USP43: variants seen among roughly 807,000 people sequenced by gnomAD.
USP43 encodes ubiquitin carboxyl-terminal hydrolase 43.
In USP43, 33 loss-of-function variants were observed where a neutral mutation model predicts 90.7. That is an observed-to-expected ratio of 0.36 (90% CI 0.28 to 0.49). The LOEUF is 0.49. Among genes scored for constraint, USP43 ranks in the 20% least tolerant of loss-of-function variants. The pLI, the probability that USP43 is intolerant of heterozygous loss-of-function variation, is 0.98. For missense variants in USP43, 1,274 were observed against 1,476.4 expected, an observed-to-expected ratio of 0.86 and a Z score of 2.25; for synonymous variants, 598 against 615.8, an observed-to-expected ratio of 0.97 and a Z score of 0.43.
At position 9,727,946 on chromosome 17, in the gene USP43, T is replaced by C; in HGVS notation, c.2336-8T>C. 6.3e-7 allele frequency: 1 copy of C among 1,592,338 alleles called. No homozygotes were observed. Among genetic ancestry groups the C allele is most frequent in the Non-Finnish European group, 8.6e-7 (1 of 1,166,568 alleles). ...CTTGTACACTGACAGTCTCTCTGTC[T>C]CTTTCAGGAGGGTTGGAGCCCAGGC... On this transcript the variant is annotated splice_region_variant and splice_polypyrimidine_tract_variant and intron_variant, in intron 14 of 14. Coordinates refer to ENST00000285199, the MANE Select transcript of USP43 (RefSeq NM_153210.5).
At chr17:9,668,995 C>CT (rs1913220168) in intron 3 of USP43, among the ~76,000 whole-genome samples, 1 of 151,712 alleles carries the variant, frequency 6.6e-6, no homozygotes, top group Non-Finnish European at 1.5e-5. Flanking sequence ...GCCACCATGC[C>CT]TGGCTAATTT....
At chr17:9,683,571 T>C (rs2151977909) in intron 7 of USP43, among the ~76,000 whole-genome samples, 1 of 152,334 alleles carries the variant, frequency 6.6e-6, no homozygotes, top group Admixed American at 6.5e-5. Flanking sequence ...GCCTTACTTA[T>C]TGAATAATTC....
In USP43 at chr17:9,708,901, A is replaced by G. The variant is rs146498340; in HGVS notation, c.2012-1055A>G. On this transcript the variant is annotated intron_variant, in intron 12 of 14. Coordinates refer to ENST00000285199, the MANE Select transcript of USP43 (RefSeq NM_153210.5). The stretch of plus-strand genomic sequence containing the variant: ...CTCGGCCTCCCAAAGTGCTGGGATT[A>G]AAGGCATGAACCACCACGCCCGGCC... Among the ~76,000 whole-genome samples the G allele has an allele frequency of 2.9e-4, 44 of 152,284 alleles. 1 individual carries two copies. In the East Asian group the frequency reaches 6.6e-3, roughly 23 times the overall value.
In USP43 at chr17:9,682,945, C is replaced by T; in HGVS notation, c.1228C>T (p.Gln410Ter). Residue 410 changes from glutamine (Q) to a stop codon, truncating the protein, a stop_gained, in exon 7 of 15, where the codon CAG becomes TAG. Transcript: ENST00000285199. LOFTEE classifies it high-confidence loss of function. ...ILFCNLVGSG[Q>*]QASRFGPPFL... The stretch of plus-strand genomic sequence containing the variant: ...CTTCTGTAACTTGGTGGGGTCAGGG[C>T]AGCAGGCTAGCAGGTATGTTTCACT... The T allele has an allele frequency of 6.2e-7, 1 of 1,613,820 alleles. No homozygotes were observed. Among genetic ancestry groups the T allele is most frequent in the South Asian group, 1.1e-5 (1 of 91,054 alleles).
intron 5 of USP43, among the ~76,000 whole-genome samples, chr17:9,679,856 A>G (rs2151975141): frequency 6.6e-6 from 1 of 152,256 alleles, no homozygotes; most frequent in African/African-American, 2.4e-5. Flanking sequence ...AATGTTTGGT[A>G]AAAATTTTTT....
At chr17:9,726,972 CTTT>C (rs374029852) in intron 14 of USP43, among the ~76,000 whole-genome samples, 1 of 146,756 alleles carries the variant, frequency 6.8e-6, no homozygotes, top group Non-Finnish European at 1.5e-5. Flanking sequence ...GAATTTCTTT[CTTT>C]TTTTTTTTGG....
Position 9,727,965 on chromosome 17 carries a change from C to G in USP43, c.2347C>G (p.Pro783Ala). The change falls in exon 15 of 15, where the codon CCC (proline) becomes GCC (alanine). Residue 783 changes from proline (P) to alanine (A), a missense_variant. Pro to Ala is a conservative substitution (Grantham distance 27). Around this residue, in one of 6 missense-constraint regions of USP43, gnomAD observed 285 missense variants for 349.6 expected, o/e 0.82. Coordinates refer to ENST00000285199, the MANE Select transcript of USP43 (RefSeq NM_153210.5). ...TCTGTCTCTTTCAGGAGGGTTGGAG[C>G]CCAGGCGTTTGGTACGGGGCGTGAA... Reference protein sequence around the residue: ...LCNQEKGGLEPRRLVRGVKGR... With the variant: ...LCNQEKGGLEARRLVRGVKGR... 6.2e-7 allele frequency: 1 copy of G among 1,602,238 alleles called. No homozygotes were observed.
intron 8 of USP43, among the ~76,000 whole-genome samples, chr17:9,692,450 G>T (rs896085079): frequency 6.6e-6 from 1 of 152,178 alleles, no homozygotes; most frequent in Non-Finnish European, 1.5e-5. Context: ...GACTAATGAT[G>T]TTGCTGATCT....
chr17:9,694,779 A>T (rs1915159392), intron 9 of USP43, among the ~76,000 whole-genome samples: 1 of 152,036 alleles, frequency 6.6e-6, no homozygotes, highest in Non-Finnish European at 1.5e-5. Context: ...ACACGCCATC[A>T]CGCCTGGCTA....
At chr17:9,654,389 G>T (rs1912084840) in intron 1 of USP43, among the ~76,000 whole-genome samples, 1 of 152,084 alleles carries the variant, frequency 6.6e-6, no homozygotes, top group African/African-American at 2.4e-5. Flanking sequence ...TTGACGTAAA[G>T]ACTCAGAGCC....
chr17:9,712,355 G>A (rs1055894734), intron 14 of USP43, among the ~76,000 whole-genome samples: 7 of 152,086 alleles, frequency 4.6e-5, no homozygotes, highest in African/African-American at 1.7e-4. Context: ...CTGCCCCCGT[G>A]TAGCTTATTG....
chr17:9,690,976 T>G (rs1187135560), intron 8 of USP43, among the ~76,000 whole-genome samples: 2 of 152,246 alleles, frequency 1.3e-5, no homozygotes, highest in Admixed American at 6.5e-5. Flanking sequence ...TCTATCTGTA[T>G]GAATTTTCCT....
intron 8 of USP43, among the ~76,000 whole-genome samples, chr17:9,691,156 T>C (rs149806993): frequency 0.046 from 6,875 of 150,984 alleles, 451 homozygotes; most frequent in African/African-American, 0.15. Context: ...CTCTTGTTGC[T>C]CAGGCTGGAG....
At chr17:9,722,217 T>C (rs950823403) in intron 14 of USP43, among the ~76,000 whole-genome samples, 1 of 152,182 alleles carries the variant, frequency 6.6e-6, no homozygotes, top group Non-Finnish European at 1.5e-5. Flanking sequence ...AAATTCTACT[T>C]TGTCCAAGTT....
chr17:9,709,844 T>C lies in USP43; in HGVS notation c.2012-112T>C. Reference sequence around the variant, plus strand: ...TTCATTTCTGGCCAAAAATGGACTGTTTTTTTCTCATTCTGGTTTAAACAT... The same window carrying C: ...TTCATTTCTGGCCAAAAATGGACTGCTTTTTTCTCATTCTGGTTTAAACAT... On this transcript the variant is annotated intron_variant, in intron 12 of 14. Coordinates refer to ENST00000285199, the MANE Select transcript of USP43 (RefSeq NM_153210.5). This position sits in a 1 kb window ranked among gnomAD's most constrained non-coding sequence, Gnocchi z 5.0. 3.3e-6 allele frequency: 4 copies of C among 1,195,928 alleles called. No homozygotes were observed. The highest frequency in any genetic ancestry group is 4.3e-6 in the Non-Finnish European group (4 of 935,956). The allele number at this position is 1,195,928 out of a possible 1,614,324, so 74.1% of individuals were successfully genotyped here.
chr17:9,673,229 G>C (rs571094068), intron 3 of USP43, among the ~76,000 whole-genome samples: 1 of 151,992 alleles, frequency 6.6e-6, no homozygotes, highest in Non-Finnish European at 1.5e-5. Flanking sequence ...CATTTCAGCC[G>C]GGGGCAGTGG....
rs755682583 is a variant in USP43, at chr17:9,693,144, C to G, written c.1371C>G (p.Phe457Leu). The G allele has an allele frequency of 1.2e-6, 2 of 1,613,592 alleles. No homozygotes were observed. The change falls in exon 9 of 15, where the codon TTC (phenylalanine) becomes TTG (leucine). Residue 457 changes from phenylalanine (F) to leucine (L), a missense_variant. By Grantham distance (22) the Phe-to-Leu change is conservative. Coordinates refer to ENST00000285199, the MANE Select transcript of USP43 (RefSeq NM_153210.5). ...CTTCGCAGAACCTGGGGTCTCTGTT[C>G]TCCATCCGTGTTGTGGGACTCTCTG... The part of the protein sequence containing the change: ...EAPVQNLGSL[F>L]SIRVVGLSVA...
chr17:9,663,812 A>G (rs770952307), intron 2 of USP43, among the ~76,000 whole-genome samples: 4 of 151,582 alleles, frequency 2.6e-5, no homozygotes, highest in Non-Finnish European at 5.9e-5. Flanking sequence ...TTTGGTAGAG[A>G]CGAGGTTTCG....
Position 9,646,050 on chromosome 17 carries a change from C to A in USP43, c.418C>A (p.Arg140Ser). The change falls in exon 1 of 15, where the codon CGC becomes AGC. Residue 140 changes from arginine to serine, a missense_variant. Coordinates refer to ENST00000285199, the MANE Select transcript of USP43 (RefSeq NM_153210.5). The part of the protein sequence containing the change: ...ALGRYRAAPG[R>S]AEVTEQLAAL... The stretch of plus-strand genomic sequence containing the variant: ...GGGGCGCTACCGGGCGGCTCCGGGC[C>A]GCGCCGAGGTCACCGAGCAGCTGGC... 6.7e-7 allele frequency: 1 copy of A among 1,502,502 alleles called. No individual in the cohort carries two copies. Among genetic ancestry groups the A allele is most frequent in the Non-Finnish European group, 8.9e-7 (1 of 1,126,654 alleles). 93.1% of individuals were successfully genotyped at this position (1,502,502 alleles called of 1,614,324 possible).
Sources: gnomAD v4.1 joint callset for allele counts (sites outside exome capture counted in the v4.1 genomes callset) on GRCh38, gnomAD v4.1.1 for gene constraint, gnomAD v4.1.1 regional missense constraint, Gnocchi (gnomAD v3.1) non-coding constraint, MANE v1.5 for transcripts, NCBI Gene and HGNC (gene_info 2026-07-23, HGNC 2026-07-21) for gene names.